MLLT10: variants seen among roughly 807,000 people sequenced by gnomAD.
MLLT10 encodes the protein MLLT10 histone lysine methyltransferase DOT1L cofactor.
Under a neutral mutation model 129.1 loss-of-function variants are expected in MLLT10, and 30 were observed. The observed-to-expected ratio is 0.23, with a 90% CI of 0.17 to 0.32. The LOEUF is 0.32. Among genes scored for constraint, MLLT10 ranks in the 10% least tolerant of loss-of-function variants. The pLI, the probability that MLLT10 is intolerant of heterozygous loss-of-function variation, is 1.00. For missense variants in MLLT10, 1,119 were observed against 1,268.3 expected (o/e 0.88, Z 1.79); for synonymous variants, 490 against 446.4 (o/e 1.10, Z -1.23).
At chr10:21,600,988 G>A (rs2043472771) in intron 5 of MLLT10, among the ~76,000 whole-genome samples, 3 of 152,044 alleles carry the variant, frequency 2.0e-5, no homozygotes, top group Non-Finnish European at 1.5e-5. Context: ...CTGTTGCCCA[G>A]CCTGGAGTGC....
intron 8 of MLLT10, among the ~76,000 whole-genome samples, chr10:21,629,100 CTTT>C (rs952728826): frequency 1.4e-5 from 2 of 143,248 alleles, no homozygotes; most frequent in African/African-American, 2.6e-5. Context: ...TGGTGGCTGC[CTTT>C]TTTTTTTTGC....
At chr10:21,680,394 C>T (rs577703813) in intron 11 of MLLT10, among the ~76,000 whole-genome samples, 2 of 151,640 alleles carry the variant, frequency 1.3e-5, no homozygotes, top group African/African-American at 4.8e-5. Context: ...TTAGTAGAGA[C>T]GGGGTTTCGC....
At chr10:21,535,620 C>G (rs541757460) in intron 2 of MLLT10, among the ~76,000 whole-genome samples, 3 of 152,208 alleles carry the variant, frequency 2.0e-5, no homozygotes, top group African/African-American at 7.2e-5. Flanking sequence ...TAGTAAGATA[C>G]TTTTCTGGCC....
intron 13 of MLLT10, among the ~76,000 whole-genome samples, chr10:21,683,385 GAAAAT>G (rs2052947616): frequency 6.6e-6 from 1 of 152,146 alleles, no homozygotes; most frequent in Non-Finnish European, 1.5e-5. Context: ...CAGCATCCTT[GAAAAT>G]AAAATAAACT....
At chr10:21,653,110 C>T (rs1297127400) in intron 9 of MLLT10, among the ~76,000 whole-genome samples, 1 of 152,132 alleles carries the variant, frequency 6.6e-6, no homozygotes, top group Admixed American at 6.5e-5. Context: ...CTACAGTATA[C>T]CAGTTTAAAA....
chr10:21,612,502 GT>G, intron 6 of MLLT10, 51 bp downstream of exon 6: 1 of 1,142,622 alleles, frequency 8.8e-7, no homozygotes, highest in Non-Finnish European at 1.3e-6. Context: ...AATACCTTGT[GT>G]AACAATCATA....
At chr10:21,609,094 C>T (rs1376153942) in intron 5 of MLLT10, among the ~76,000 whole-genome samples, 1 of 152,140 alleles carries the variant, frequency 6.6e-6, no homozygotes, top group Non-Finnish European at 1.5e-5. Flanking sequence ...CCTCAGATGG[C>T]CCTGCTCTAA....
intron 8 of MLLT10, 61 bp from the exon 9 acceptor site, chr10:21,651,612 C>A: frequency 9.0e-7 from 1 of 1,113,248 alleles, no homozygotes; most frequent in Non-Finnish European, 1.3e-6. Context: ...AAAAAAATCT[C>A]TGTTGCATAT....
chr10:21,580,611 C>T (rs541153101), intron 3 of MLLT10, among the ~76,000 whole-genome samples: 319 of 152,134 alleles, frequency 2.1e-3, no homozygotes, highest in Non-Finnish European at 3.4e-3. Context: ...AGGATGGTCT[C>T]GATCTCCTGA....
At chr10:21,674,774 A>G (rs1472596786) in intron 11 of MLLT10, among the ~76,000 whole-genome samples, 1 of 152,114 alleles carries the variant, frequency 6.6e-6, no homozygotes, top group Non-Finnish European at 1.5e-5. Flanking sequence ...TAGATTTCTG[A>G]TTGTTGAAAT....
chr10:21,688,526 C>T, intron 13 of MLLT10: 1 of 1,612,528 alleles, frequency 6.2e-7, no homozygotes, highest in African/African-American at 1.3e-5. Context: ...AAAGCAAGAA[C>T]TTAAATTCAT....
chr10:21,601,706 T>G (rs896797516), intron 5 of MLLT10, among the ~76,000 whole-genome samples: 4 of 152,032 alleles, frequency 2.6e-5, no homozygotes, highest in African/African-American at 2.4e-5. Context: ...TTAAAAATAT[T>G]GGTAGAATTG....
Position 21,534,319 on chromosome 10 carries a change from C to G in MLLT10, c.-202C>G, listed in dbSNP as rs1031614193. 2.8e-5 allele frequency: 11 copies of G among 395,530 alleles called. 1 individual carries two copies. Among genetic ancestry groups the G allele is most frequent in the Middle Eastern group, 6.5e-4 (1 of 1,542 alleles). 24.5% of individuals were successfully genotyped at this position (395,530 alleles called of 1,614,324 possible). On this transcript the variant is annotated 5_prime_UTR_variant, in exon 1 of 23. Coordinates refer to ENST00000307729, the MANE Select transcript of MLLT10 (RefSeq NM_001195626.3). ...GGCCCAGCGGGAGCCCCCCCTCCCC[C>G]CAGTGCGCCTGTGCGGAGGCCCTCT...
chr10:21,647,107 C>T (rs1275615198), intron 8 of MLLT10, among the ~76,000 whole-genome samples: 4 of 152,168 alleles, frequency 2.6e-5, no homozygotes, highest in South Asian at 2.1e-4. Flanking sequence ...CCGCCCACCT[C>T]GGCCTCCCAA....
At chr10:21,708,710 T>A in intron 13 of MLLT10, 7 of 985,354 alleles carry the variant, frequency 7.1e-6, no homozygotes, top group Non-Finnish European at 8.4e-6. Flanking sequence ...AGATTGAAGG[T>A]CCTTAATCAC....
chr10:21,569,797 C>A (rs1471913586), intron 3 of MLLT10, among the ~76,000 whole-genome samples: 1 of 152,088 alleles, frequency 6.6e-6, no homozygotes, highest in Non-Finnish European at 1.5e-5. Flanking sequence ...GGCTGGAGTG[C>A]AGTGGCACAA....
chr10:21,723,557 A>G (rs78416717), intron 14 of MLLT10, among the ~76,000 whole-genome samples: 1,543 of 152,330 alleles, frequency 0.01, 10 homozygotes, highest in Admixed American at 0.023. Context: ...AGGCATCTAG[A>G]AGTACACTTT....
intron 3 of MLLT10, among the ~76,000 whole-genome samples, chr10:21,561,712 A>C (rs927532041): frequency 6.6e-6 from 1 of 152,248 alleles, no homozygotes. Flanking sequence ...ACTGAATGAT[A>C]CTGGCACTTT....
At chr10:21,604,854 G>A (rs1404298228) in intron 5 of MLLT10, among the ~76,000 whole-genome samples, 2 of 151,554 alleles carry the variant, frequency 1.3e-5, no homozygotes, top group African/African-American at 4.9e-5. Flanking sequence ...TGGATTGGCA[G>A]CCTGCCCATT....
Sources: gnomAD v4.1 joint callset for allele counts (sites outside exome capture counted in the v4.1 genomes callset) on GRCh38, gnomAD v4.1.1 for gene constraint, MANE v1.5 for transcripts, NCBI Gene and HGNC (gene_info 2026-07-23, HGNC 2026-07-21) for gene names.